Variants in ANKS1A observed in about 807,000 individuals in gnomAD.
The protein encoded by ANKS1A is ankyrin repeat and SAM domain-containing protein 1A.
In ANKS1A, 55 loss-of-function variants were observed where a neutral mutation model predicts 120.3. The ratio of observed to expected loss-of-function variants is 0.46; its 90% CI spans 0.37 to 0.57. ANKS1A has a LOEUF of 0.57. Ranked by LOEUF, ANKS1A falls within the 20% of genes least tolerant of loss-of-function variation. The pLI, the probability that ANKS1A is intolerant of heterozygous loss-of-function variation, is 0.00. For missense variants in ANKS1A, 1,123 were observed against 1,480.3 expected, an observed-to-expected ratio of 0.76 and a Z score of 3.96; for synonymous variants, 590 against 604.7, an observed-to-expected ratio of 0.98 and a Z score of 0.36.
At position 35,078,561 on chromosome 6, in the gene ANKS1A, T is replaced by C. The variant is rs752727429; in HGVS notation, c.2188T>C (p.Ser730Pro). The change falls in exon 14 of 24, where the codon TCT (serine) becomes CCT (proline). Residue 730 changes from serine (S) to proline (P), a missense_variant. Physicochemically the swap from Ser to Pro is moderately conservative, Grantham distance 74. Around this residue, in one of 3 missense-constraint regions of ANKS1A, gnomAD observed 904 missense variants for 1,130.4 expected, o/e 0.80. Coordinates refer to ENST00000360359, the MANE Select transcript of ANKS1A (RefSeq NM_015245.3). The part of the protein sequence containing the change: ...NGFDDVHFLG[S>P]NVMEEQDLRD... Reference sequence around the variant, plus strand: ...ACATCCACCTTTCTGCTCTCAGGGGTCTAATGTGATGGAAGAGCAGGACCT... The same window carrying C: ...ACATCCACCTTTCTGCTCTCAGGGGCCTAATGTGATGGAAGAGCAGGACCT... 7 of 1,610,696 alleles carry C rather than the reference T, an allele frequency of 4.3e-6. No homozygotes were observed. Among genetic ancestry groups the C allele is most frequent in the Non-Finnish European group, 4.2e-6 (5 of 1,179,822 alleles).
intron 1 of ANKS1A, among the ~76,000 whole-genome samples, chr6:34,925,826 G>A (rs1017949106): frequency 4.6e-5 from 7 of 152,136 alleles, no homozygotes; most frequent in African/African-American, 1.4e-4. Context: ...GATGTTTTTG[G>A]TTGTCATACT....
intron 1 of ANKS1A, among the ~76,000 whole-genome samples, chr6:34,890,864 C>T (rs1383616627): frequency 1.3e-5 from 2 of 152,150 alleles, no homozygotes; most frequent in African/African-American, 4.8e-5. Context: ...TTTGAGTGAG[C>T]TTGGACCATA....
intron 1 of ANKS1A, among the ~76,000 whole-genome samples, chr6:34,902,046 C>T (rs1374150356): frequency 6.6e-6 from 1 of 152,056 alleles, no homozygotes; most frequent in Non-Finnish European, 1.5e-5. Flanking sequence ...GCAGAGATTC[C>T]ACATTTGTTA....
intron 13 of ANKS1A, among the ~76,000 whole-genome samples, chr6:35,065,340 C>T (rs1383310824): frequency 1.3e-5 from 2 of 152,226 alleles, no homozygotes; most frequent in Non-Finnish European, 2.9e-5. Context: ...GTAGAAGGAA[C>T]TCTGGGAACA....
chr6:34,932,347 G>C (rs924243581), intron 1 of ANKS1A, among the ~76,000 whole-genome samples: 1 of 152,044 alleles, frequency 6.6e-6, no homozygotes, highest in African/African-American at 2.4e-5. Flanking sequence ...CACCGCCCCT[G>C]GCTATTTATA....
intron 10 of ANKS1A, among the ~76,000 whole-genome samples, chr6:35,002,439 T>A (rs1201280712): frequency 6.6e-6 from 1 of 152,158 alleles, no homozygotes; most frequent in Non-Finnish European, 1.5e-5. Flanking sequence ...ACTTATACAG[T>A]AAGGACTTCA....
chr6:35,083,573 G>A, intron 20 of ANKS1A, 70 bp downstream of exon 20: 1 of 1,472,054 alleles, frequency 6.8e-7, no homozygotes, highest in Non-Finnish European at 9.5e-7. Context: ...GGGCTCCAGG[G>A]CAAGCAACCC....
chr6:35,087,284 G>A (rs947629077), intron 23 of ANKS1A, among the ~76,000 whole-genome samples: 3 of 152,218 alleles, frequency 2.0e-5, no homozygotes, highest in African/African-American at 7.2e-5. Flanking sequence ...TTGGGCTGAG[G>A]ACAGCTTGAG....
intron 13 of ANKS1A, among the ~76,000 whole-genome samples, chr6:35,073,360 C>G (rs1322062841): frequency 6.6e-6 from 1 of 152,206 alleles, no homozygotes; most frequent in African/African-American, 2.4e-5. Context: ...CCGCCAGGGG[C>G]CATCCTGGCT....
At chr6:35,067,069 A>T (rs973423711) in intron 13 of ANKS1A, among the ~76,000 whole-genome samples, 2 of 152,272 alleles carry the variant, frequency 1.3e-5, no homozygotes, top group Non-Finnish European at 2.9e-5. Flanking sequence ...GCTGCTTTGC[A>T]TAGTAGCTGG....
chr6:35,088,829 G>A lies in ANKS1A; in HGVS notation c.*220G>A. 1 of 1,467,136 alleles carries A rather than the reference G, an allele frequency of 6.8e-7. No homozygotes were observed. 90.9% of individuals were successfully genotyped at this position (1,467,136 alleles called of 1,614,324 possible). A position where few individuals can be genotyped will look rare whatever the true frequency, so the allele number is the denominator to read the frequency against. ...GAAGCACTCCAGGCCGCTAGCAGATGGGACTGGCATTCCAGAGGGTCAAGA... is the reference window on the plus strand; with the variant it reads ...GAAGCACTCCAGGCCGCTAGCAGATAGGACTGGCATTCCAGAGGGTCAAGA... On this transcript the variant is annotated 3_prime_UTR_variant, in exon 24 of 24. Transcript: ENST00000360359.
chr6:34,938,143 T>C (rs933195296), intron 1 of ANKS1A, among the ~76,000 whole-genome samples: 1 of 152,250 alleles, frequency 6.6e-6, no homozygotes, highest in Non-Finnish European at 1.5e-5. Context: ...ACATTACCTC[T>C]CATCCATTTT....
chr6:34,942,996 C>T (rs1769609410), intron 1 of ANKS1A, among the ~76,000 whole-genome samples: 1 of 147,926 alleles, frequency 6.8e-6, no homozygotes, highest in Non-Finnish European at 1.5e-5. Flanking sequence ...TTTTCTTTCT[C>T]TCCCTCTGTT....
At chr6:34,955,144 C>T (rs1355749071) in intron 1 of ANKS1A, among the ~76,000 whole-genome samples, 1 of 146,156 alleles carries the variant, frequency 6.8e-6, no homozygotes, top group Non-Finnish European at 1.5e-5. Context: ...CTTTTCTTTT[C>T]TTTTTTTTTT....
chr6:35,023,808 T>TCTAAA, intron 11 of ANKS1A: 1 of 253,540 alleles, frequency 3.9e-6, no homozygotes, highest in South Asian at 5.4e-5. Flanking sequence ...GGTGACATTC[T>TCTAAA]TGGAAAGAAT....
At chr6:34,993,064 A>T (rs1772659751) in intron 9 of ANKS1A, among the ~76,000 whole-genome samples, 1 of 151,892 alleles carries the variant, frequency 6.6e-6, no homozygotes. Context: ...AATTCCCCCT[A>T]CTCCCACCCC....
At chr6:34,931,710 T>C (rs938559369) in intron 1 of ANKS1A, among the ~76,000 whole-genome samples, 3 of 152,262 alleles carry the variant, frequency 2.0e-5, no homozygotes, top group South Asian at 4.1e-4. Flanking sequence ...GCCCAATTTG[T>C]GTAGCACTCT....
chr6:34,900,598 C>CT (rs1190853516), intron 1 of ANKS1A, among the ~76,000 whole-genome samples: 2 of 152,090 alleles, frequency 1.3e-5, no homozygotes, highest in African/African-American at 4.8e-5. Context: ...GCCATAACAA[C>CT]TGTTTGAGGA....
downstream of ANKS1A, among the ~76,000 whole-genome samples, chr6:35,095,774 T>C (rs1159323020): frequency 6.6e-6 from 1 of 151,920 alleles, no homozygotes; most frequent in Non-Finnish European, 1.5e-5. Flanking sequence ...CACAACCTTA[T>C]ACCAAAAAAA....
Sources: allele counts gnomAD v4.1 joint callset (sites outside exome capture counted in the v4.1 genomes callset), GRCh38; gene constraint gnomAD v4.1.1; regional missense constraint gnomAD v4.1.1; transcripts MANE v1.5; gene names NCBI Gene and HGNC (gene_info 2026-07-23, HGNC 2026-07-21).